ABTB2: variants seen among roughly 807,000 people sequenced by gnomAD.
ABTB2 encodes the protein ankyrin repeat and BTB domain containing 2, also known as ankyrin repeat and BTB/POZ domain-containing protein 2.
In ABTB2, 56 loss-of-function variants were observed where a neutral mutation model predicts 104.1. That is an observed-to-expected ratio of 0.54 (90% CI 0.43 to 0.67). The LOEUF (loss-of-function observed/expected upper bound fraction) is 0.67, where lower values mean the gene tolerates loss of function less well. Ranked by LOEUF, ABTB2 falls within the 30% of genes least tolerant of loss-of-function variation. The pLI is 0.00. For synonymous variants in ABTB2, 606 were observed against 608.2 expected (o/e 1.00, Z 0.05); for missense variants, 1,279 against 1,407.7 (o/e 0.91, Z 1.46).
intron 1 of ABTB2, among the ~76,000 whole-genome samples, chr11:34,234,350 C>G (rs1853812426): frequency 6.6e-6 from 1 of 152,170 alleles, no homozygotes. Context: ...TTAGATTCTC[C>G]CCTCCCTGGC....
Position 34,356,969 on chromosome 11 carries a change from G to C in ABTB2, c.615C>G (p.Phe205Leu). Residue 205 changes from phenylalanine to leucine, a missense_variant, in exon 1 of 17, where the codon TTC (phenylalanine) becomes TTG (leucine). Transcript: ENST00000435224. This position sits in a 1 kb window ranked among gnomAD's most constrained non-coding sequence, Gnocchi z 4.6. Reference sequence around the variant, plus strand: ...TCCAGCGGAAAAAGCGACCCACTGAGAAGGTGAGGCCGCAGCGCGCGGACT... The same window carrying C: ...TCCAGCGGAAAAAGCGACCCACTGACAAGGTGAGGCCGCAGCGCGCGGACT... ...RGKSARCGLT[F>L]SVGRFFRWMV... The C allele has an allele frequency of 2.5e-6, 4 of 1,596,208 alleles. No individual in the cohort carries two copies. Among genetic ancestry groups the C allele is most frequent in the Non-Finnish European group, 3.4e-6 (4 of 1,172,562 alleles).
intron 1 of ABTB2, among the ~76,000 whole-genome samples, chr11:34,295,578 T>G (rs531298083): frequency 7.6e-4 from 115 of 152,190 alleles, no homozygotes; most frequent in African/African-American, 2.3e-3. Flanking sequence ...AATGGGATGG[T>G]CAGGCTAAGC....
At chr11:34,316,242 G>A (rs1169530893) in intron 1 of ABTB2, among the ~76,000 whole-genome samples, 1 of 152,154 alleles carries the variant, frequency 6.6e-6, no homozygotes, top group East Asian at 1.9e-4. Context: ...CCAGATTCTG[G>A]CCATCACAGT....
rs72910823 is a variant in ABTB2 at position 34,165,210 on chromosome 11, G to A, written c.1852+50C>T. 7.0e-3 allele frequency: 10,394 copies of A among 1,486,076 alleles called. 51 individuals carry two copies. The highest frequency in any genetic ancestry group is 8.5e-3 in the Non-Finnish European group (9,361 of 1,102,066). The allele number at this position is 1,486,076 out of a possible 1,614,324, so 92.1% of individuals were successfully genotyped here. On this transcript the variant is annotated intron_variant, in intron 8 of 16. Coordinates refer to ENST00000435224, the MANE Select transcript of ABTB2 (RefSeq NM_145804.3). ...CCAGCTACATGCCTGGCCAGGCTGG[G>A]GGGCACTGCAGGGAAGGGTAGACAG...
At chr11:34,229,507 T>C (rs1025454677) in intron 1 of ABTB2, among the ~76,000 whole-genome samples, 2 of 151,334 alleles carry the variant, frequency 1.3e-5, no homozygotes, top group East Asian at 3.9e-4. Context: ...GAAAGAAAAT[T>C]ATTTATTCTT....
At chr11:34,155,350 C>CAGGCACGG (rs1565125767) in intron 14 of ABTB2, among the ~76,000 whole-genome samples, 1 of 152,234 alleles carries the variant, frequency 6.6e-6, no homozygotes, top group Non-Finnish European at 1.5e-5. Context: ...GCGCAGAGCC[C>CAGGCACGG]AGGCCCGGAG....
At chr11:34,332,053 T>C (rs1277766497) in intron 1 of ABTB2, among the ~76,000 whole-genome samples, 1 of 152,218 alleles carries the variant, frequency 6.6e-6, no homozygotes, top group African/African-American at 2.4e-5. Flanking sequence ...CAATCTGATT[T>C]TGTAGCCATG....
chr11:34,217,127 T>A (rs570279697), intron 1 of ABTB2, among the ~76,000 whole-genome samples: 1 of 152,376 alleles, frequency 6.6e-6, no homozygotes, highest in African/African-American at 2.4e-5. Context: ...ACACTGCCTA[T>A]GGGATACCCC....
intron 16 of ABTB2, 51 bp from the exon 17 acceptor site, chr11:34,152,635 A>G (rs1263941041): frequency 6.6e-7 from 1 of 1,524,084 alleles, no homozygotes; most frequent in South Asian, 1.2e-5. Context: ...GTACAGCCCC[A>G]CTCACCCTCA....
intron 14 of ABTB2, among the ~76,000 whole-genome samples, chr11:34,159,002 C>G (rs1263713999): frequency 2.0e-5 from 3 of 152,202 alleles, no homozygotes; most frequent in African/African-American, 7.2e-5. Context: ...AACAAGGACT[C>G]ACACCCCAGC....
At chr11:34,336,785 A>G (rs1397290130) in intron 1 of ABTB2, among the ~76,000 whole-genome samples, 14 of 152,138 alleles carry the variant, frequency 9.2e-5, no homozygotes, top group Admixed American at 9.2e-4. Context: ...CCCATGCCAA[A>G]GGAAGGGTGG....
intron 1 of ABTB2, among the ~76,000 whole-genome samples, chr11:34,269,836 C>T (rs954371343): frequency 3.3e-5 from 5 of 152,250 alleles, no homozygotes; most frequent in African/African-American, 1.2e-4. Flanking sequence ...ATAGCTGTCA[C>T]ACCACCTAAT....
At chr11:34,172,399 T>C (rs10768050) in intron 4 of ABTB2, among the ~76,000 whole-genome samples, 41,492 of 70,314 alleles carry the variant, frequency 0.59, 10,678 homozygotes, top group East Asian at 0.84. Flanking sequence ...AAAAAAAATA[T>C]ATATATATAT....
intron 1 of ABTB2, among the ~76,000 whole-genome samples, chr11:34,316,749 C>A (rs1854935914): frequency 1.3e-5 from 2 of 152,184 alleles, no homozygotes; most frequent in African/African-American, 4.8e-5. Context: ...CAACTGCACA[C>A]ACAGAGTTTC....
At chr11:34,171,413 C>G (rs1203697174) in intron 4 of ABTB2, among the ~76,000 whole-genome samples, 1 of 152,014 alleles carries the variant, frequency 6.6e-6, no homozygotes, top group East Asian at 1.9e-4. Flanking sequence ...TGTCTCTACT[C>G]AAAATACAAA....
At chr11:34,231,026 T>C (rs1212992882) in intron 1 of ABTB2, among the ~76,000 whole-genome samples, 3 of 152,260 alleles carry the variant, frequency 2.0e-5, no homozygotes, top group Admixed American at 1.3e-4. Context: ...TAGATTCTAA[T>C]AGCATTCTTC....
At chr11:34,201,523 TGGATC>T (rs1292605047) in intron 2 of ABTB2, among the ~76,000 whole-genome samples, 1 of 152,220 alleles carries the variant, frequency 6.6e-6, no homozygotes, top group African/African-American at 2.4e-5. Context: ...CGTGTGAAGC[TGGATC>T]TCATACAAGA....
At chr11:34,222,142 T>C (rs1273640537) in intron 1 of ABTB2, among the ~76,000 whole-genome samples, 1 of 152,106 alleles carries the variant, frequency 6.6e-6, no homozygotes, top group Non-Finnish European at 1.5e-5. Context: ...AGGTTATAGG[T>C]AGATTTAAAA....
chr11:34,308,304 G>A (rs1216924895), intron 1 of ABTB2, among the ~76,000 whole-genome samples: 1 of 152,212 alleles, frequency 6.6e-6, no homozygotes. Flanking sequence ...CCTACTGACT[G>A]AAAGAAGATG....
Sources: gnomAD v4.1 joint callset for allele counts (sites outside exome capture counted in the v4.1 genomes callset) on GRCh38, gnomAD v4.1.1 for gene constraint, Gnocchi (gnomAD v3.1) non-coding constraint, MANE v1.5 for transcripts, NCBI Gene and HGNC (gene_info 2026-07-23, HGNC 2026-07-21) for gene names.